CCDC43: variants seen among roughly 807,000 people sequenced by gnomAD.
CCDC43 encodes the protein coiled-coil domain containing 43.
CCDC43 carries 20 observed loss-of-function variants against 33.3 expected under a neutral mutation model. The observed-to-expected ratio is 0.60, with a 90% CI of 0.42 to 0.87. The LOEUF (loss-of-function observed/expected upper bound fraction) is 0.87, where lower values mean the gene tolerates loss of function less well. CCDC43 is among the 40% of genes least tolerant of loss of function. The probability of loss-of-function intolerance (pLI) is 0.00; values close to 1 mark genes in which losing one functional copy is unlikely to be tolerated. For missense variants in CCDC43, 248 were observed against 269.9 expected (o/e 0.92, Z 0.57); for synonymous variants, 104 against 106.5 (o/e 0.98, Z 0.14).
intron 4 of CCDC43, among the ~76,000 whole-genome samples, chr17:44,679,690 G>A (rs894720432): frequency 2.6e-5 from 4 of 152,004 alleles, no homozygotes; most frequent in African/African-American, 9.7e-5. Flanking sequence ...TCAGGAGATC[G>A]AGACCATCCT....
At position 44,689,613 on chromosome 17, in the gene CCDC43, G is replaced by A; in HGVS notation, c.141C>T (p.Ile47=). 6.2e-7 allele frequency: 1 copy of A among 1,613,968 alleles called. No homozygotes were observed. Among genetic ancestry groups the A allele is most frequent in the Admixed American group, 1.7e-5 (1 of 60,010 alleles). Residue 47 remains isoleucine (I), a synonymous_variant, in exon 1 of 5, where the codon ATC becomes ATT. Coordinates refer to ENST00000315286, the MANE Select transcript of CCDC43 (RefSeq NM_144609.3). ...RAVYGAYILG[I]LQEEEEEEKL... is the part of the protein sequence containing the mutation. ...TCTCTTCTTCCTCCTCCTCCTGCAG[G>A]ATACCCAAGATGTAGGCTCCATAAA...
chr17:44,683,613 G>A (rs1381075954), intron 2 of CCDC43, among the ~76,000 whole-genome samples: 1 of 152,146 alleles, frequency 6.6e-6, no homozygotes, highest in African/African-American at 2.4e-5. Context: ...ACAAGAAGCA[G>A]TGGAAAGATG....
At position 44,678,083 on chromosome 17, in the gene CCDC43, C is replaced by A. The variant is rs1972102199; in HGVS notation, c.*773G>T. 6.6e-6 allele frequency: 1 copy of A among 152,476 alleles called. No homozygotes were observed. Among genetic ancestry groups the A allele is most frequent in the South Asian group, 2.1e-4 (1 of 4,824 alleles). The allele number at this position is 152,476 out of a possible 1,614,324, so 9.4% of individuals were successfully genotyped here. On this transcript the variant is annotated 3_prime_UTR_variant, in exon 5 of 5. Transcript: ENST00000315286. ...GGGTGATTTCTCCAGTTTCTCCAAA[C>A]CAGGAATTATTTCTTAATACTCATG...
intron 3 of CCDC43, 42 bp downstream of exon 3, chr17:44,681,961 C>T: frequency 2.5e-6 from 4 of 1,612,354 alleles, no homozygotes; most frequent in Non-Finnish European, 3.4e-6. Flanking sequence ...ATATGTCTGG[C>T]TTGAGCTTTA....
intron 1 of CCDC43, 55 bp downstream of exon 1, chr17:44,689,495 T>A: frequency 6.2e-7 from 1 of 1,610,272 alleles, no homozygotes; most frequent in Non-Finnish European, 8.5e-7. Context: ...TGCAAAGTAC[T>A]GACAGGTCCT....
chr17:44,686,666 C>T (rs977432705), intron 1 of CCDC43, among the ~76,000 whole-genome samples: 7 of 152,220 alleles, frequency 4.6e-5, no homozygotes, highest in African/African-American at 9.6e-5. Flanking sequence ...GTTTATCCTA[C>T]TTACAATGCT....
At chr17:44,688,896 T>G (rs903648839) in intron 1 of CCDC43, 1 of 152,328 alleles carries the variant, frequency 6.6e-6, no homozygotes, top group Admixed American at 6.5e-5. Context: ...CTGAATACCT[T>G]GCTTCTAACA....
At chr17:44,679,164 G>T in intron 4 of CCDC43, 121 bp from the exon 5 acceptor site, 2 of 618,676 alleles carry the variant, frequency 3.2e-6, no homozygotes, top group Admixed American at 3.9e-5. Flanking sequence ...TCTATTCCTG[G>T]TTTTTTAAAA....
At chr17:44,680,730 C>T in intron 3 of CCDC43, 87 bp from the exon 4 acceptor site, 1 of 939,378 alleles carries the variant, frequency 1.1e-6, no homozygotes, top group South Asian at 1.4e-5. Flanking sequence ...GTAGGAAAAG[C>T]ACACTGAATG....
intron 1 of CCDC43, among the ~76,000 whole-genome samples, chr17:44,684,745 A>G (rs746936249): frequency 6.6e-5 from 10 of 152,110 alleles, no homozygotes; most frequent in Middle Eastern, 6.8e-3. Flanking sequence ...GTACTCTTTT[A>G]GTAATTTTGA....
In CCDC43 at chr17:44,678,752, A is replaced by G; in HGVS notation, c.*104T>C. 5.2e-6 allele frequency: 6 copies of G among 1,146,138 alleles called. No homozygotes were observed. Among genetic ancestry groups the G allele is most frequent in the South Asian group, 1.7e-5 (1 of 58,102 alleles). 71.0% of individuals were successfully genotyped at this position (1,146,138 alleles called of 1,614,324 possible). ...TTTGACCATGTAAACAATAGGGGAA[A>G]TGCCTTGGGAAACTACTTTGCAATG... On this transcript the variant is annotated 3_prime_UTR_variant, in exon 5 of 5. Transcript: ENST00000315286.
At position 44,689,704 on chromosome 17, in the gene CCDC43, C is replaced by T; in HGVS notation, c.50G>A (p.Gly17Asp). ...VAAIAPGEGD[G>D]GGGGFGSWLD... ...CCAGGAGCCAAAGCCGCCGCCTCCG[C>T]CATCGCCTTCGCCAGGGGCTATCGC... is the stretch of plus-strand genomic sequence containing the variant. Residue 17 changes from glycine (G) to aspartate (D), a missense_variant, in exon 1 of 5, where the codon GGC becomes GAC. By Grantham distance (94) the Gly-to-Asp change is moderately conservative. Transcript: ENST00000315286. The T allele has an allele frequency of 1.2e-6, 2 of 1,602,610 alleles. No individual in the cohort carries two copies. Among genetic ancestry groups the T allele is most frequent in the Non-Finnish European group, 1.7e-6 (2 of 1,175,194 alleles).
chr17:44,689,380 TG>T, intron 1 of CCDC43, 169 bp downstream of exon 1: 1 of 930,956 alleles, frequency 1.1e-6, no homozygotes, highest in Non-Finnish European at 1.6e-6. Flanking sequence ...TTCCCACACC[TG>T]GTTGGGGAGC....
Position 44,689,741 on chromosome 17 carries a change from T to C in CCDC43, c.13A>G (p.Ser5Gly), listed in dbSNP as rs1245235554. The C allele has an allele frequency of 1.9e-6, 3 of 1,561,978 alleles. No individual in the cohort carries two copies. The highest frequency in any genetic ancestry group is 1.4e-5 in the African/African-American group (1 of 73,504). MAAP[S>G]EVAAIAPGEG... ...CCAGGGGCTATCGCGGCCACTTCGC[T>C]GGGCGCCGCCATCTTGGGGTCAGGG... The change falls in exon 1 of 5, where the codon AGC (serine) becomes GGC (glycine). Residue 5 changes from serine to glycine, a missense_variant. Transcript: ENST00000315286.
At chr17:44,689,436 C>T in intron 1 of CCDC43, 114 bp downstream of exon 1, 1 of 1,467,052 alleles carries the variant, frequency 6.8e-7, no homozygotes, top group Non-Finnish European at 9.2e-7. Flanking sequence ...GTATACCTCT[C>T]CCAGGTGAGA....
chr17:44,682,173 G>A, intron 2 of CCDC43, 35 bp from the exon 3 acceptor site: 1 of 1,613,074 alleles, frequency 6.2e-7, no homozygotes, highest in Non-Finnish European at 8.5e-7. Flanking sequence ...AAGGTTGTAT[G>A]AGAGAGAACA....
intron 3 of CCDC43, 69 bp downstream of exon 3, chr17:44,681,934 T>A: frequency 6.3e-7 from 1 of 1,592,564 alleles, no homozygotes; most frequent in African/African-American, 1.3e-5. Context: ...TTGCCAAAGG[T>A]CACTGTAAAC....
chr17:44,688,798 G>C (rs896307761), intron 1 of CCDC43: 3 of 152,404 alleles, frequency 2.0e-5, no homozygotes, highest in Admixed American at 2.0e-4. Flanking sequence ...GGTGTGGGAA[G>C]TGAAGATGAA....
chr17:44,682,612 C>G (rs1317493221), intron 2 of CCDC43, among the ~76,000 whole-genome samples: 1 of 152,152 alleles, frequency 6.6e-6, no homozygotes. Flanking sequence ...AATCCCAACA[C>G]TTTGGGAGGC....
Sources: gnomAD v4.1 joint callset for allele counts (sites outside exome capture counted in the v4.1 genomes callset) on GRCh38, gnomAD v4.1.1 for gene constraint, MANE v1.5 for transcripts, NCBI Gene and HGNC (gene_info 2026-07-23, HGNC 2026-07-21) for gene names.